The following NTM variants were observed in gnomAD, a reference collection of about 807,000 sequenced individuals.
NTM encodes the protein neurotrimin, also known as IgLON family member 2.
NTM carries 13 observed loss-of-function variants against 42.1 expected under a neutral mutation model. The ratio of observed to expected loss-of-function variants is 0.31; its 90% CI spans 0.20 to 0.49. NTM has a LOEUF of 0.49. NTM is among the 20% of genes least tolerant of loss of function. The probability of loss-of-function intolerance (pLI) is 0.99; values close to 1 mark genes in which losing one functional copy is unlikely to be tolerated. For missense variants in NTM, 373 were observed against 452.8 expected (o/e 0.82, Z 1.60); for synonymous variants, 187 against 179.2 (o/e 1.04, Z -0.35).
intron 1 of NTM, among the ~76,000 whole-genome samples, chr11:131,746,376 C>A (rs1329969626): frequency 6.6e-6 from 1 of 152,110 alleles, no homozygotes; most frequent in Non-Finnish European, 1.5e-5. Flanking sequence ...CAATGGGGAG[C>A]TCTCCACTGA....
chr11:131,950,122 A>G (rs543997), intron 2 of NTM, among the ~76,000 whole-genome samples: 44,182 of 151,910 alleles, frequency 0.29, 6,557 homozygotes, highest in East Asian at 0.48. Flanking sequence ...GTAGTGGTAC[A>G]ATGGGAATCC....
chr11:132,058,805 G>C (rs1451716362), intron 2 of NTM, among the ~76,000 whole-genome samples: 2 of 152,286 alleles, frequency 1.3e-5, no homozygotes, highest in East Asian at 1.9e-4. Context: ...GAATCCTCTT[G>C]TTTGAACCTT....
chr11:131,378,144 C>G (rs1942209499), intron 1 of NTM, among the ~76,000 whole-genome samples: 6 of 152,194 alleles, frequency 3.9e-5, no homozygotes, highest in African/African-American at 1.4e-4. Context: ...TTGAATGGGA[C>G]CCTACACTGA....
chr11:131,621,000 G>A (rs1290824235), intron 1 of NTM, among the ~76,000 whole-genome samples: 1 of 152,290 alleles, frequency 6.6e-6, no homozygotes, highest in East Asian at 1.9e-4. Context: ...ACTAACTAAT[G>A]TGATGCTGCC....
intron 1 of NTM, among the ~76,000 whole-genome samples, chr11:131,375,109 T>C (rs1272901001): frequency 6.6e-6 from 1 of 152,156 alleles, no homozygotes; most frequent in East Asian, 1.9e-4. Context: ...TTTCTAGTGG[T>C]CTGAACATAG....
chr11:131,538,735 G>A (rs764060915), intron 1 of NTM: 1 of 152,214 alleles, frequency 6.6e-6, no homozygotes, highest in Non-Finnish European at 1.5e-5. Flanking sequence ...AAAGGGCAAG[G>A]TGGGAATGAT....
chr11:131,739,819 C>A (rs76831537), intron 1 of NTM, among the ~76,000 whole-genome samples: 4 of 152,164 alleles, frequency 2.6e-5, no homozygotes, highest in African/African-American at 9.7e-5. Context: ...GCGTTCTCTT[C>A]GCTCTTCAAA....
chr11:131,598,678 A>C (rs1388529577), intron 1 of NTM, among the ~76,000 whole-genome samples: 1 of 132,570 alleles, frequency 7.5e-6, no homozygotes, highest in African/African-American at 2.7e-5. Flanking sequence ...CTCTCTTCTC[A>C]TTTGTTTTCT....
chr11:131,867,331 G>A (rs558629858), intron 1 of NTM, among the ~76,000 whole-genome samples: 2 of 152,150 alleles, frequency 1.3e-5, no homozygotes, highest in Non-Finnish European at 2.9e-5. Flanking sequence ...CGCTGTGTGC[G>A]TGCGGATGGA....
At chr11:131,602,159 C>A (rs1310143297) in intron 1 of NTM, among the ~76,000 whole-genome samples, 1 of 152,154 alleles carries the variant, frequency 6.6e-6, no homozygotes, top group Non-Finnish European at 1.5e-5. Context: ...CAGGATGGTG[C>A]CTCAGCTGCT....
chr11:131,885,674 T>C (rs2050274136), intron 1 of NTM, among the ~76,000 whole-genome samples: 1 of 152,116 alleles, frequency 6.6e-6, no homozygotes, highest in East Asian at 1.9e-4. Flanking sequence ...GGAGTCTCAT[T>C]GCATTATCAG....
At chr11:132,176,324 G>T (rs1437184007) in intron 3 of NTM, among the ~76,000 whole-genome samples, 2 of 150,498 alleles carry the variant, frequency 1.3e-5, no homozygotes, top group South Asian at 4.2e-4. Flanking sequence ...GGTCAAGTTT[G>T]GTCAATTATG....
At chr11:131,512,824 T>C (rs887699130) in intron 1 of NTM, among the ~76,000 whole-genome samples, 7 of 152,184 alleles carry the variant, frequency 4.6e-5, no homozygotes, top group African/African-American at 1.7e-4. Flanking sequence ...CAGACACCTG[T>C]GTGGTTCCTG....
chr11:132,316,313 G>A (rs1361724319), intron 7 of NTM, among the ~76,000 whole-genome samples: 5 of 152,204 alleles, frequency 3.3e-5, no homozygotes, highest in Non-Finnish European at 7.3e-5. Flanking sequence ...AAGCAGTGAA[G>A]TGCAGGTCAT....
At chr11:131,917,664 G>T (rs990704260) in intron 2 of NTM, among the ~76,000 whole-genome samples, 5 of 152,136 alleles carry the variant, frequency 3.3e-5, no homozygotes, top group African/African-American at 9.7e-5. Flanking sequence ...TATAACTATT[G>T]ATCCGTTGTT....
At chr11:132,116,096 C>T (rs1052013738) in intron 2 of NTM, among the ~76,000 whole-genome samples, 5 of 152,204 alleles carry the variant, frequency 3.3e-5, no homozygotes, top group African/African-American at 1.2e-4. Context: ...AGTCAGAAAC[C>T]ACTCTAGGTA....
intron 2 of NTM, among the ~76,000 whole-genome samples, chr11:132,109,385 C>T (rs954274935): frequency 2.0e-5 from 3 of 152,162 alleles, no homozygotes; most frequent in Admixed American, 6.5e-5. Context: ...GAGGACACAG[C>T]GAGAATGTGC....
intron 2 of NTM, among the ~76,000 whole-genome samples, chr11:131,969,479 A>G (rs1484082273): frequency 6.6e-6 from 1 of 152,216 alleles, no homozygotes; most frequent in Non-Finnish European, 1.5e-5. Flanking sequence ...CTGTTTGTCC[A>G]TCAGCTCCAG....
At chr11:131,724,658 C>T (rs2078748255) in intron 1 of NTM, among the ~76,000 whole-genome samples, 1 of 152,134 alleles carries the variant, frequency 6.6e-6, no homozygotes, top group South Asian at 2.1e-4. Context: ...GCAGCCCCTC[C>T]GATGGTGCTA....
Sources: gnomAD v4.1 joint callset for allele counts (sites outside exome capture counted in the v4.1 genomes callset) on GRCh38, gnomAD v4.1.1 for gene constraint, MANE v1.5 for transcripts, NCBI Gene and HGNC (gene_info 2026-07-23, HGNC 2026-07-21) for gene names.